The following SHCBP1L variants were observed in gnomAD, a reference collection of about 807,000 sequenced individuals.
SHCBP1L encodes the protein testicular spindle-associated protein SHCBP1L.
SHCBP1L carries 67 observed loss-of-function variants against 62.5 expected under a neutral mutation model. The ratio of observed to expected loss-of-function variants is 1.07; its 90% CI spans 0.88 to 1.31. The LOEUF (loss-of-function observed/expected upper bound fraction) is 1.31. Ranked by LOEUF, SHCBP1L falls within the 40% of genes most tolerant of loss-of-function variation. The pLI is 0.00. For missense variants in SHCBP1L, 823 were observed against 809.8 expected, an observed-to-expected ratio of 1.02 and a Z score of -0.20; for synonymous variants, 284 against 289.4, an observed-to-expected ratio of 0.98 and a Z score of 0.19.
intron 5 of SHCBP1L, among the ~76,000 whole-genome samples, chr1:182,934,330 T>G (rs2101946473): frequency 6.6e-6 from 1 of 152,270 alleles, no homozygotes; most frequent in South Asian, 2.1e-4. Flanking sequence ...GTTCCTTTGC[T>G]CAACATTCTC....
intron 6 of SHCBP1L, among the ~76,000 whole-genome samples, chr1:182,924,480 G>A (rs1047286610): frequency 6.6e-6 from 1 of 151,406 alleles, no homozygotes; most frequent in Non-Finnish European, 1.5e-5. Flanking sequence ...TGTATTTTTA[G>A]TAGAGACGGG....
chr1:182,924,689 AG>A (rs1650622427), intron 6 of SHCBP1L, among the ~76,000 whole-genome samples: 1 of 117,180 alleles, frequency 8.5e-6, no homozygotes, highest in South Asian at 2.6e-4. Context: ...AGGAAAGGAA[AG>A]GAAAGGAAAG....
intron 2 of SHCBP1L, among the ~76,000 whole-genome samples, chr1:182,948,409 T>C (rs187296267): frequency 6.6e-6 from 1 of 152,142 alleles, no homozygotes; most frequent in East Asian, 1.9e-4. Context: ...TAATCACGAG[T>C]CTATTAAAAG....
chr1:182,905,971 G>A (rs1172991770), intron 6 of SHCBP1L, among the ~76,000 whole-genome samples: 2 of 152,192 alleles, frequency 1.3e-5, no homozygotes, highest in East Asian at 3.9e-4. Flanking sequence ...GTTTCGCTCT[G>A]TCGCCCAGGC....
intron 6 of SHCBP1L, among the ~76,000 whole-genome samples, chr1:182,913,801 C>T (rs1345019133): frequency 6.6e-6 from 1 of 152,036 alleles, no homozygotes; most frequent in Non-Finnish European, 1.5e-5. Context: ...GCCAACATGG[C>T]GAAACCCCAT....
In SHCBP1L at chr1:182,907,080, G is replaced by C. The variant is rs146980480; in HGVS notation, c.1183-1431C>G. 4.5e-3 allele frequency among the ~76,000 whole-genome samples: 690 copies of C among 151,994 alleles called. 7 individuals are homozygous for C. The highest frequency in any genetic ancestry group is 0.038 in the Admixed American group (584 of 15,284). ...TGATCACCCACCTCAGCCTCCCAGA[G>C]TGCTGGGATTACAGGTAGAAGCCAT... On this transcript the variant is annotated intron_variant, in intron 6 of 9. Transcript: ENST00000367547.
chr1:182,906,536 A>T (rs1020213646), intron 6 of SHCBP1L, among the ~76,000 whole-genome samples: 1 of 151,714 alleles, frequency 6.6e-6, no homozygotes, highest in Non-Finnish European at 1.5e-5. Flanking sequence ...GGTTCAACCA[A>T]TTCTCCCACC....
At chr1:182,930,837 C>CA (rs1474461477) in intron 5 of SHCBP1L, among the ~76,000 whole-genome samples, 1 of 143,618 alleles carries the variant, frequency 7.0e-6, no homozygotes, top group African/African-American at 2.6e-5. Context: ...GCAATCCTCC[C>CA]ACCTCAGCCT....
intron 2 of SHCBP1L, 64 bp from the exon 3 acceptor site, chr1:182,940,607 T>C: frequency 1.5e-6 from 2 of 1,378,398 alleles, no homozygotes; most frequent in Non-Finnish European, 2.0e-6. Context: ...GCAGGATTTC[T>C]TTCTCATATA....
At position 182,903,056 on chromosome 1, in the gene SHCBP1L, C is replaced by G. The variant is rs1375364989; in HGVS notation, c.1693G>C (p.Gly565Arg). ...RTSNSSKSTL[G>R]GVNMKVLPAP... Reference sequence around the variant, plus strand: ...GAGAATACCTTCATATTAACTCCACCTAAGGTGCTTTTTGAACTGTTACTG... The same window carrying G: ...GAGAATACCTTCATATTAACTCCACGTAAGGTGCTTTTTGAACTGTTACTG... Residue 565 changes from glycine (G) to arginine (R), a missense_variant, in exon 9 of 10, where the codon GGT becomes CGT. Coordinates refer to ENST00000367547, the MANE Select transcript of SHCBP1L (RefSeq NM_030933.4). The G allele has an allele frequency of 2.5e-6, 4 of 1,591,944 alleles. No homozygotes were observed. Among genetic ancestry groups the G allele is most frequent in the Non-Finnish European group, 2.6e-6 (3 of 1,170,082 alleles).
chr1:182,900,108 C>G lies in SHCBP1L; in HGVS notation c.1837G>C (p.Ala613Pro), dbSNP rs755233170. The G allele has an allele frequency of 2.2e-5, 35 of 1,612,336 alleles. No homozygotes were observed. Among genetic ancestry groups the G allele is most frequent in the Non-Finnish European group, 2.7e-5 (32 of 1,179,176 alleles). Residue 613 changes from alanine to proline, a missense_variant, in exon 10 of 10, where the codon GCT (alanine) becomes CCT (proline). Ala to Pro is a conservative substitution (Grantham distance 27). Transcript: ENST00000367547. ...IVAEEALNKR[A>P]SSGDKKDDKM... ...TCATCTTTTTTATCTCCTGAAGAAG[C>G]CCTTTTGTTGAGAGCTTCTTCTGCT...
rs1482195799 is a variant in SHCBP1L at position 182,951,073 on chromosome 1, A to G, written c.555+245T>C. Among the ~76,000 whole-genome samples, 12 of 152,338 alleles carry G rather than the reference A, an allele frequency of 7.9e-5. 1 individual carries two copies. In the South Asian group the frequency reaches 1.7e-3, roughly 21 times the overall value. On this transcript the variant is annotated intron_variant, in intron 2 of 9. Transcript: ENST00000367547. ...AGAAATGCATTTTTGTTATTTTTAC[A>G]TTAGTTGAGCAAAAACTAGGCTAAT... is the stretch of plus-strand genomic sequence containing the variant.
chr1:182,952,221 TATATATATATATATACAC>T (rs1651792038), intron 1 of SHCBP1L, among the ~76,000 whole-genome samples: 5 of 63,832 alleles, frequency 7.8e-5, no homozygotes, highest in African/African-American at 3.7e-4. Flanking sequence ...TATATATATA[TATATATATATATATACAC>T]ACACACACAC....
intron 2 of SHCBP1L, among the ~76,000 whole-genome samples, chr1:182,948,068 T>A (rs1406005398): frequency 6.6e-6 from 1 of 152,240 alleles, no homozygotes; most frequent in African/African-American, 2.4e-5. Flanking sequence ...CAAAATATGT[T>A]AATCAACTGT....
chr1:182,903,282 T>G, intron 8 of SHCBP1L, 121 bp from the exon 9 acceptor site: 1 of 730,530 alleles, frequency 1.4e-6, no homozygotes, highest in Non-Finnish European at 2.0e-6. Context: ...TACGTGCAAA[T>G]ACGTGATCAT....
chr1:182,939,037 T>C, intron 5 of SHCBP1L, 139 bp downstream of exon 5: 2 of 635,388 alleles, frequency 3.1e-6, no homozygotes, highest in Non-Finnish European at 5.3e-6. Flanking sequence ...CTGATAGTTG[T>C]ACCTTGTGCT....
intron 9 of SHCBP1L, among the ~76,000 whole-genome samples, chr1:182,900,439 AT>A (rs938574668): frequency 4.4e-4 from 66 of 148,908 alleles, no homozygotes; most frequent in Non-Finnish European, 5.8e-4. Context: ...TTTAATAAGA[AT>A]TTTTTTTTTT....
chr1:182,942,483 C>T lies in SHCBP1L; in HGVS notation c.556-1940G>A. On this transcript the variant is annotated intron_variant, in intron 2 of 9. Coordinates refer to ENST00000367547, the MANE Select transcript of SHCBP1L (RefSeq NM_030933.4). ...CCTCCGCGAAACTGGGCTGCCTGGC[C>T]GCTGCCACTCCTCCCGCCGCCCGAG... 6 of 643,098 alleles carry T rather than the reference C, an allele frequency of 9.3e-6. No homozygotes were observed. In the South Asian group the frequency reaches 1.0e-4, roughly 11 times the overall value. 39.8% of individuals were successfully genotyped at this position (643,098 alleles called of 1,614,324 possible). A position where few individuals can be genotyped will look rare whatever the true frequency, so the allele number is the denominator to read the frequency against.
chr1:182,904,570 T>C (rs1039056815), intron 7 of SHCBP1L, 140 bp from the exon 8 acceptor site: 38 of 881,944 alleles, frequency 4.3e-5, no homozygotes, highest in Admixed American at 1.6e-4. Flanking sequence ...TGTGTGTGTG[T>C]GTGTGTGCGC....
Sources: allele counts gnomAD v4.1 joint callset (sites outside exome capture counted in the v4.1 genomes callset), GRCh38; gene constraint gnomAD v4.1.1; transcripts MANE v1.5; gene names NCBI Gene and HGNC (gene_info 2026-07-23, HGNC 2026-07-21).